Variants in SLC35A1 observed in about 807,000 individuals in gnomAD.
The protein encoded by SLC35A1 is solute carrier family 35 member A1.
In SLC35A1, 21 loss-of-function variants were observed where a neutral mutation model predicts 40.3. The observed-to-expected ratio is 0.52, with a 90% CI of 0.37 to 0.75. SLC35A1 has a LOEUF of 0.75. Ranked by LOEUF, SLC35A1 falls within the 30% of genes least tolerant of loss-of-function variation. The pLI is 0.00. For missense variants in SLC35A1, 297 were observed against 382.1 expected (o/e 0.78, Z 1.86); for synonymous variants, 146 against 147.3 (o/e 0.99, Z 0.06).
At chr6:87,496,729 G>A (rs1240465404) in intron 2 of SLC35A1, among the ~76,000 whole-genome samples, 1 of 136,876 alleles carries the variant, frequency 7.3e-6, no homozygotes, top group African/African-American at 2.8e-5. Context: ...GCAGTGAGCC[G>A]AGATCACACC....
At chr6:87,504,990 G>GA (rs1770034120) in intron 4 of SLC35A1, among the ~76,000 whole-genome samples, 1 of 152,218 alleles carries the variant, frequency 6.6e-6, no homozygotes, top group Admixed American at 6.5e-5. Context: ...AAGGTTGGTT[G>GA]AAACAGATTG....
chr6:87,478,791 TTTTC>T (rs2004500500), intron 2 of SLC35A1, among the ~76,000 whole-genome samples: 1 of 152,136 alleles, frequency 6.6e-6, no homozygotes, highest in African/African-American at 2.4e-5. Flanking sequence ...GAATACAAAA[TTTTC>T]TTTTTTTCTT....
At chr6:87,497,410 G>A (rs1231640194) in intron 2 of SLC35A1, among the ~76,000 whole-genome samples, 1 of 152,184 alleles carries the variant, frequency 6.6e-6, no homozygotes, top group Admixed American at 6.5e-5. Context: ...ATGGCCAAAA[G>A]AGACAGATCT....
intron 2 of SLC35A1, among the ~76,000 whole-genome samples, chr6:87,484,917 T>C (rs1020087963): frequency 6.6e-6 from 1 of 152,204 alleles, no homozygotes; most frequent in South Asian, 2.1e-4. Flanking sequence ...AAGAGTGATA[T>C]GAACAGTTAA....
chr6:87,489,263 G>A (rs932307404), intron 2 of SLC35A1, among the ~76,000 whole-genome samples: 2 of 139,372 alleles, frequency 1.4e-5, no homozygotes, highest in Non-Finnish European at 3.1e-5. Flanking sequence ...GGGTCTAGTG[G>A]GAGGTGTTTA....
intron 2 of SLC35A1, among the ~76,000 whole-genome samples, chr6:87,492,545 ATTT>A (rs59459204): frequency 3.5e-4 from 40 of 115,008 alleles, no homozygotes; most frequent in African/African-American, 5.9e-4. Flanking sequence ...ATTTATCTTG[ATTT>A]TTTTTTTTTT....
At chr6:87,479,644 A>G (rs1769192620) in intron 2 of SLC35A1, among the ~76,000 whole-genome samples, 1 of 152,152 alleles carries the variant, frequency 6.6e-6, no homozygotes, top group South Asian at 2.1e-4. Context: ...TTCTGCTAAT[A>G]TCATGTCTAA....
chr6:87,488,385 A>G (rs915743668), intron 2 of SLC35A1: 1 of 152,224 alleles, frequency 6.6e-6, no homozygotes, highest in Non-Finnish European at 1.5e-5. Flanking sequence ...AGAGGAACAC[A>G]TGATAGGTGT....
chr6:87,506,637 C>G (rs1388047322), intron 5 of SLC35A1, among the ~76,000 whole-genome samples, 189 bp downstream of exon 5: 1 of 152,186 alleles, frequency 6.6e-6, no homozygotes, highest in Non-Finnish European at 1.5e-5. Flanking sequence ...AGTTCAGACT[C>G]AGTCCCTATT....
intron 2 of SLC35A1, among the ~76,000 whole-genome samples, chr6:87,496,770 A>G (rs1769737728): frequency 8.1e-6 from 1 of 123,986 alleles, no homozygotes; most frequent in East Asian, 2.3e-4. Flanking sequence ...ACATGGCTAG[A>G]CTCCATCTCA....
chr6:87,494,069 CT>C (rs1769641536), intron 2 of SLC35A1, among the ~76,000 whole-genome samples: 1 of 110,118 alleles, frequency 9.1e-6, no homozygotes, highest in Non-Finnish European at 1.9e-5. Context: ...CTGTACCCCA[CT>C]TTCCTTTTTT....
intron 2 of SLC35A1, among the ~76,000 whole-genome samples, chr6:87,484,690 T>TGAG (rs1472265704): frequency 1.6e-5 from 2 of 124,904 alleles, no homozygotes; most frequent in East Asian, 2.4e-4. Flanking sequence ...GTAATTGGAA[T>TGAG]TAGGGTGGAG....
Position 87,508,420 on chromosome 6 carries a change from G to T in SLC35A1, c.575G>T (p.Gly192Val). The change falls in exon 6 of 8, where the codon GGA becomes GTA. Residue 192 changes from glycine to valine, a missense_variant and splice_region_variant. Coordinates refer to ENST00000369552, the MANE Select transcript of SLC35A1 (RefSeq NM_006416.5). ...AIAVLCSGFA[G>V]VYFEKVLKSS... ...ATTTGCATGTCTAATTTTCTTTCAG[G>T]AGTATATTTTGAAAAAGTTTTAAAG... 6.3e-7 allele frequency: 1 copy of T among 1,585,198 alleles called. No homozygotes were observed. The highest frequency in any genetic ancestry group is 8.6e-7 in the Non-Finnish European group (1 of 1,156,074).
intron 2 of SLC35A1, chr6:87,487,989 G>A (rs1240591819): frequency 3.9e-5 from 6 of 152,164 alleles, no homozygotes; most frequent in Admixed American, 3.9e-4. Context: ...GAGGTATCAG[G>A]AAGCATATCT....
At chr6:87,498,941 A>G (rs1769830618) in intron 2 of SLC35A1, among the ~76,000 whole-genome samples, 2 of 152,182 alleles carry the variant, frequency 1.3e-5, no homozygotes. Context: ...TATTTTTGGT[A>G]TTCTTCTGCT....
chr6:87,490,323 T>C (rs1438422295), intron 2 of SLC35A1, among the ~76,000 whole-genome samples: 6 of 149,900 alleles, frequency 4.0e-5, no homozygotes, highest in African/African-American at 1.2e-4. Flanking sequence ...GTGCCTGATA[T>C]ATATTGTCAT....
At chr6:87,489,823 C>A (rs1226021549) in intron 2 of SLC35A1, among the ~76,000 whole-genome samples, 1 of 150,472 alleles carries the variant, frequency 6.6e-6, no homozygotes, top group African/African-American at 2.4e-5. Context: ...GCCACCGCGC[C>A]TGGCCAAATT....
At chr6:87,473,672 A>T (rs1768985669) in intron 1 of SLC35A1, among the ~76,000 whole-genome samples, 1 of 152,214 alleles carries the variant, frequency 6.6e-6, no homozygotes, top group Non-Finnish European at 1.5e-5. Context: ...GGGATGGCAC[A>T]TTCGGGTGAA....
chr6:87,497,795 C>T (rs1769786774), intron 2 of SLC35A1, among the ~76,000 whole-genome samples: 1 of 152,068 alleles, frequency 6.6e-6, no homozygotes, highest in Admixed American at 6.6e-5. Context: ...GTGGTGGCAT[C>T]ATAGCTCACT....
Sources: gnomAD v4.1 joint callset for allele counts (sites outside exome capture counted in the v4.1 genomes callset) on GRCh38, gnomAD v4.1.1 for gene constraint, MANE v1.5 for transcripts, NCBI Gene and HGNC (gene_info 2026-07-23, HGNC 2026-07-21) for gene names.